The following HDAC9 variants were observed in gnomAD, a reference collection of about 807,000 sequenced individuals.
HDAC9 encodes histone deacetylase 9, also known as MEF-2 interacting transcription repressor (MITR) protein.
Under a neutral mutation model 139.4 loss-of-function variants are expected in HDAC9, and 41 were observed. That is an observed-to-expected ratio of 0.29 (90% confidence interval 0.23 to 0.38). HDAC9 has a LOEUF of 0.38. Among genes scored for constraint, HDAC9 ranks in the 10% least tolerant of loss-of-function variants. HDAC9 has a pLI of 1.00. For synonymous variants in HDAC9, 517 were observed against 476.2 expected (o/e 1.09, Z -1.12); for missense variants, 1,147 against 1,297.0 (o/e 0.88, Z 1.78).
chr7:18,775,776 A>C (rs762594181), intron 16 of HDAC9, among the ~76,000 whole-genome samples: 1 of 151,864 alleles, frequency 6.6e-6, no homozygotes, highest in South Asian at 2.1e-4. Context: ...ATAATTGTCA[A>C]CTCTGGTAGG....
At chr7:18,603,364 T>A (rs565579383) in intron 6 of HDAC9, among the ~76,000 whole-genome samples, 30 of 152,140 alleles carry the variant, frequency 2.0e-4, no homozygotes, top group Admixed American at 1.4e-3. Flanking sequence ...TTTACTTTTT[T>A]AAAAAAATAT....
At chr7:18,359,616 T>G (rs971569063) in intron 1 of HDAC9, among the ~76,000 whole-genome samples, 1 of 152,018 alleles carries the variant, frequency 6.6e-6, no homozygotes, top group Non-Finnish European at 1.5e-5. Context: ...GCTTTGGTGA[T>G]TTTTTTTGTT....
rs373586388 is a variant in HDAC9, at chr7:18,681,830, C to T, written c.1731+15354C>T. Among the ~76,000 whole-genome samples, 167 of 152,154 alleles carry T rather than the reference C, an allele frequency of 1.1e-3. 1 individual carries two copies. The highest frequency in any genetic ancestry group is 3.9e-3 in the African/African-American group (161 of 41,546). Reference sequence around the variant, plus strand: ...AAGATATCGCCCCACCCTCTGACATCTCTTGGCCTTTGGAGTAACCCATAG... The same window carrying T: ...AAGATATCGCCCCACCCTCTGACATTTCTTGGCCTTTGGAGTAACCCATAG... On this transcript the variant is annotated intron_variant, in intron 12 of 25. Transcript: ENST00000686413.
At chr7:18,513,657 A>C (rs1178134906) in intron 2 of HDAC9, among the ~76,000 whole-genome samples, 1 of 152,148 alleles carries the variant, frequency 6.6e-6, no homozygotes, top group Non-Finnish European at 1.5e-5. Context: ...GATTTTCAGG[A>C]GGTTTAGCCA....
intron 2 of HDAC9, among the ~76,000 whole-genome samples, chr7:18,541,141 GTTTTTTTTTTT>G (rs10678670): frequency 1.2e-3 from 76 of 65,464 alleles, no homozygotes; most frequent in African/African-American, 4.1e-3. Context: ...AAGGAACCGT[GTTTTTTTTTTT>G]TTTTTTTTTT....
At chr7:18,132,034 CTT>C (rs1363131574) in intron 1 of HDAC9, among the ~76,000 whole-genome samples, 2 of 152,146 alleles carry the variant, frequency 1.3e-5, no homozygotes, top group African/African-American at 4.8e-5. Flanking sequence ...TAATTACAGA[CTT>C]AGAGATATAA....
At chr7:18,312,813 T>G (rs1235744848) in intron 1 of HDAC9, among the ~76,000 whole-genome samples, 1 of 152,142 alleles carries the variant, frequency 6.6e-6, no homozygotes, top group East Asian at 1.9e-4. Context: ...CTAGACAATC[T>G]TCTCTTGGAA....
At chr7:18,282,868 G>A (rs1350008512) in intron 2 of HDAC9, among the ~76,000 whole-genome samples, 3 of 151,854 alleles carry the variant, frequency 2.0e-5, no homozygotes, top group Non-Finnish European at 2.9e-5. Flanking sequence ...AATTAGGACT[G>A]AAAGACATGT....
intron 2 of HDAC9, among the ~76,000 whole-genome samples, chr7:18,177,013 T>G (rs1346505834): frequency 6.6e-6 from 1 of 152,236 alleles, no homozygotes; most frequent in Non-Finnish European, 1.5e-5. Flanking sequence ...CTATCGAGTC[T>G]TTGAATTTCA....
intron 2 of HDAC9, among the ~76,000 whole-genome samples, chr7:18,278,746 A>C (rs1430633454): frequency 2.0e-5 from 3 of 152,198 alleles, no homozygotes; most frequent in African/African-American, 4.8e-5. Context: ...GCCCCAGGAC[A>C]TTGTGAATTT....
At chr7:18,104,628 C>T (rs1562623430) in intron 1 of HDAC9, among the ~76,000 whole-genome samples, 1 of 152,278 alleles carries the variant, frequency 6.6e-6, no homozygotes, top group African/African-American at 2.4e-5. Context: ...TACTACTCCC[C>T]CTTTTGGAAA....
chr7:18,905,959 C>A, intron 22 of HDAC9, among the ~76,000 whole-genome samples: 1 of 147,050 alleles, frequency 6.8e-6, no homozygotes, highest in South Asian at 2.2e-4. Flanking sequence ...TTCCTTCATT[C>A]CTTCCTTCCT....
chr7:18,932,052 A>G (rs1286443262), intron 22 of HDAC9, among the ~76,000 whole-genome samples: 1 of 152,172 alleles, frequency 6.6e-6, no homozygotes, highest in Non-Finnish European at 1.5e-5. Flanking sequence ...AAATGATGCA[A>G]AATGTTAATA....
intron 2 of HDAC9, among the ~76,000 whole-genome samples, chr7:18,576,604 G>A (rs2128759523): frequency 6.6e-6 from 1 of 151,014 alleles, no homozygotes; most frequent in South Asian, 2.1e-4. Flanking sequence ...AGAGGTTGCA[G>A]TGAGCCGAGA....
At chr7:18,876,294 C>T (rs1053984925) in intron 22 of HDAC9, among the ~76,000 whole-genome samples, 5 of 152,080 alleles carry the variant, frequency 3.3e-5, no homozygotes, top group Admixed American at 1.3e-4. Flanking sequence ...ATCTCAGAAT[C>T]AGTTTGTCTA....
chr7:18,148,794 G>T (rs75922486), intron 1 of HDAC9, among the ~76,000 whole-genome samples: 1 of 152,068 alleles, frequency 6.6e-6, no homozygotes, highest in Non-Finnish European at 1.5e-5. Flanking sequence ...TTGTGAATGC[G>T]TTGGGCCATT....
intron 1 of HDAC9, among the ~76,000 whole-genome samples, chr7:18,489,827 C>T (rs974243828): frequency 1.3e-5 from 2 of 151,990 alleles, no homozygotes; most frequent in African/African-American, 4.8e-5. Flanking sequence ...GTGCTGGCTG[C>T]CTTGAGTGCT....
At chr7:18,480,268 A>G (rs1166350320) in intron 1 of HDAC9, among the ~76,000 whole-genome samples, 1 of 152,196 alleles carries the variant, frequency 6.6e-6, no homozygotes, top group Non-Finnish European at 1.5e-5. Flanking sequence ...AAAACCGAGG[A>G]TAACATGCCC....
intron 1 of HDAC9, among the ~76,000 whole-genome samples, chr7:18,482,023 T>C (rs1357288616): frequency 1.3e-5 from 2 of 152,216 alleles, no homozygotes; most frequent in African/African-American, 4.8e-5. Flanking sequence ...GGGCTTGGTT[T>C]CCTTCCAAGC....
Sources: gnomAD v4.1 joint callset for allele counts (sites outside exome capture counted in the v4.1 genomes callset) on GRCh38, gnomAD v4.1.1 for gene constraint, MANE v1.5 for transcripts, NCBI Gene and HGNC (gene_info 2026-07-23, HGNC 2026-07-21) for gene names.